Variants in NPAS2 observed in about 807,000 individuals in gnomAD.
NPAS2 encodes the protein neuronal PAS domain protein 2.
NPAS2 carries 23 observed loss-of-function variants against 107.5 expected under a neutral mutation model. That is an observed-to-expected ratio of 0.21 (90% CI 0.15 to 0.30). The LOEUF (loss-of-function observed/expected upper bound fraction) is 0.30. NPAS2 is among the 10% of genes least tolerant of loss of function. The pLI is 1.00. For synonymous variants in NPAS2, 403 were observed against 417.5 expected (o/e 0.97, Z 0.42); for missense variants, 756 against 1,043.3 (o/e 0.72, Z 3.79).
rs76264789 is a variant in NPAS2, at chr2:100,848,197, T to A, written c.-23+27783T>A. Among the ~76,000 whole-genome samples the A allele has an allele frequency of 3.1e-3, 479 of 152,242 alleles. 2 individuals carry two copies. The highest frequency in any genetic ancestry group is 0.011 in the African/African-American group (459 of 41,524). On this transcript the variant is annotated intron_variant, in intron 1 of 20. Transcript: ENST00000335681. ...ACTGGACTCATGTTTTTATTGGGATTGTTTTCGATTTTGCAAAGACCCTGG... is the reference window on the plus strand; with the variant it reads ...ACTGGACTCATGTTTTTATTGGGATAGTTTTCGATTTTGCAAAGACCCTGG...
intron 1 of NPAS2, among the ~76,000 whole-genome samples, chr2:100,839,021 C>T (rs181086527): frequency 5.3e-5 from 8 of 152,242 alleles, no homozygotes; most frequent in Admixed American, 3.9e-4. Context: ...TCCCTTCCTC[C>T]GTCTCTCCCA....
rs377715645 is a variant in NPAS2 at position 100,993,413 on chromosome 2, G to A, written c.2178G>A (p.Pro726=). ...DAHPANSSSA[P]MPVLLMGQAV... ...ACCCCGCCAACAGCAGCAGCGCCCCGATGCCCGTCCTGCTGATGGGGCAGG... is the reference window on the plus strand; with the variant it reads ...ACCCCGCCAACAGCAGCAGCGCCCCAATGCCCGTCCTGCTGATGGGGCAGG... The change falls in exon 20 of 21, where the codon CCG becomes CCA. Residue 726 remains proline, a synonymous_variant. Transcript: ENST00000335681. 29 of 1,612,824 alleles carry A rather than the reference G, an allele frequency of 1.8e-5. No homozygotes were observed. The highest frequency in any genetic ancestry group is 2.7e-5 in the African/African-American group (2 of 74,868).
chr2:100,882,890 C>T (rs1680461505), intron 1 of NPAS2, among the ~76,000 whole-genome samples: 1 of 152,274 alleles, frequency 6.6e-6, no homozygotes, highest in Non-Finnish European at 1.5e-5. Flanking sequence ...TGTTCCTCCT[C>T]GGCTGGGCTA....
intron 1 of NPAS2, among the ~76,000 whole-genome samples, chr2:100,842,081 G>GCGCGCGCGCGCACACACACACACA: frequency 9.9e-4 from 148 of 148,896 alleles, no homozygotes; most frequent in East Asian, 3.6e-3. Context: ...GCATGTACGC[G>GCGCGCGCGCGCACACACACACACA]CACACACACA....
At chr2:100,881,369 C>A (rs1381084584) in intron 1 of NPAS2, among the ~76,000 whole-genome samples, 5 of 152,214 alleles carry the variant, frequency 3.3e-5, no homozygotes, top group Admixed American at 2.6e-4. Flanking sequence ...CCCAGGGGAC[C>A]TGTGTGCCCA....
rs545765970 is a variant in NPAS2 at position 100,862,999 on chromosome 2, C to T, written c.-22-41734C>T. On this transcript the variant is annotated intron_variant, in intron 1 of 20. Transcript: ENST00000335681. Reference sequence around the variant, plus strand: ...AGTAAGCTCTGCCTTGCTATAAGGTCGTGAGGAAGGATGTATCTTCACTTC... The same window carrying T: ...AGTAAGCTCTGCCTTGCTATAAGGTTGTGAGGAAGGATGTATCTTCACTTC... Among the ~76,000 whole-genome samples the T allele has an allele frequency of 6.0e-4, 92 of 152,268 alleles. 1 individual carries two copies. Among genetic ancestry groups the T allele is most frequent in the African/African-American group, 2.1e-3 (86 of 41,546 alleles).
intron 1 of NPAS2, among the ~76,000 whole-genome samples, chr2:100,865,641 C>A (rs556973498): frequency 3.3e-5 from 5 of 152,248 alleles, no homozygotes; most frequent in African/African-American, 1.2e-4. Context: ...ACCTTCTGAC[C>A]CCATTTCAGA....
intron 16 of NPAS2, chr2:100,985,613 T>C (rs1213789000): frequency 1.3e-5 from 2 of 152,246 alleles, no homozygotes. Flanking sequence ...ACAGTTTTTA[T>C]ATGCCCAAAG....
At chr2:100,914,892 G>A (rs767726174) in intron 2 of NPAS2, among the ~76,000 whole-genome samples, 5 of 152,220 alleles carry the variant, frequency 3.3e-5, no homozygotes, top group Middle Eastern at 3.4e-3. Flanking sequence ...TGCAGATTGG[G>A]GAAGCACTAC....
intron 2 of NPAS2, among the ~76,000 whole-genome samples, chr2:100,916,102 G>A (rs1421946934): frequency 6.6e-6 from 1 of 151,806 alleles, no homozygotes; most frequent in Non-Finnish European, 1.5e-5. Flanking sequence ...ATATGGAGGG[G>A]AAAACAATAG....
At chr2:100,887,009 C>T (rs1311178264) in intron 1 of NPAS2, among the ~76,000 whole-genome samples, 1 of 152,096 alleles carries the variant, frequency 6.6e-6, no homozygotes, top group Non-Finnish European at 1.5e-5. Flanking sequence ...GAAAAATGTC[C>T]AGCATTTTGA....
intron 15 of NPAS2, among the ~76,000 whole-genome samples, chr2:100,979,929 G>C (rs187036006): frequency 1.7e-3 from 255 of 152,248 alleles, no homozygotes; most frequent in African/African-American, 6.0e-3. Context: ...GTGAAACAAC[G>C]AGATTCTGGG....
chr2:100,870,237 G>A (rs1679499805), intron 1 of NPAS2, among the ~76,000 whole-genome samples: 1 of 152,140 alleles, frequency 6.6e-6, no homozygotes, highest in Non-Finnish European at 1.5e-5. Context: ...CAGTTATTCA[G>A]AAGTTTCCTA....
At chr2:100,902,786 A>G (rs1681870588) in intron 1 of NPAS2, among the ~76,000 whole-genome samples, 2 of 152,218 alleles carry the variant, frequency 1.3e-5, no homozygotes, top group African/African-American at 2.4e-5. Flanking sequence ...TAGTAAAAAT[A>G]TCAGCACGGA....
At chr2:100,929,452 A>G (rs1683803151) in intron 3 of NPAS2, among the ~76,000 whole-genome samples, 1 of 152,150 alleles carries the variant, frequency 6.6e-6, no homozygotes, top group South Asian at 2.1e-4. Context: ...CTGGTTCTCA[A>G]CCTTGTGTGC....
chr2:100,894,957 A>C (rs1356780749), intron 1 of NPAS2, among the ~76,000 whole-genome samples: 1 of 152,224 alleles, frequency 6.6e-6, no homozygotes, highest in African/African-American at 2.4e-5. Context: ...TAGGCAAAAC[A>C]TCCAGTCTTG....
At chr2:100,881,256 T>C (rs1388466620) in intron 1 of NPAS2, among the ~76,000 whole-genome samples, 1 of 152,232 alleles carries the variant, frequency 6.6e-6, no homozygotes, top group Admixed American at 6.5e-5. Context: ...CTGTTCAGTG[T>C]GAGTGGTGTA....
At chr2:100,939,359 C>G (rs1373522005) in intron 5 of NPAS2, among the ~76,000 whole-genome samples, 1 of 152,110 alleles carries the variant, frequency 6.6e-6, no homozygotes, top group Admixed American at 6.5e-5. Flanking sequence ...GTGCATCAGG[C>G]TGGTGGTGGG....
chr2:100,886,960 A>G (rs561307196), intron 1 of NPAS2, among the ~76,000 whole-genome samples: 1 of 152,358 alleles, frequency 6.6e-6, no homozygotes, highest in South Asian at 2.1e-4. Flanking sequence ...TGATTGACAG[A>G]ACCTTCTAAT....
Sources: gnomAD v4.1 joint callset for allele counts (sites outside exome capture counted in the v4.1 genomes callset) on GRCh38, gnomAD v4.1.1 for gene constraint, MANE v1.5 for transcripts, NCBI Gene and HGNC (gene_info 2026-07-23, HGNC 2026-07-21) for gene names.